The following GALNT8 variants were observed in gnomAD, a reference collection of about 807,000 sequenced individuals.
GALNT8 encodes polypeptide N-acetylgalactosaminyltransferase 8, also known as probable polypeptide N-acetylgalactosaminyltransferase 8.
A neutral mutation model predicts 62.7 loss-of-function variants in GALNT8; 66 were observed. The observed-to-expected ratio is 1.05, with a 90% CI of 0.86 to 1.29. GALNT8 has a LOEUF of 1.29. Among genes scored for constraint, GALNT8 ranks in the 50% most tolerant of loss-of-function variants. GALNT8 has a pLI of 0.00. For synonymous variants in GALNT8, 288 were observed against 294.3 expected (o/e 0.98, Z 0.22); for missense variants, 771 against 791.8 (o/e 0.97, Z 0.32).
At chr12:4,732,351 G>A (rs1203662658) in intron 2 of GALNT8, among the ~76,000 whole-genome samples, 2 of 152,180 alleles carry the variant, frequency 1.3e-5, no homozygotes, top group Non-Finnish European at 2.9e-5. Flanking sequence ...CGGGAGGAGT[G>A]GCTAGAGATC....
At chr12:4,766,449 G>T (rs766506) in intron 10 of GALNT8, among the ~76,000 whole-genome samples, 30,437 of 152,110 alleles carry the variant, frequency 0.2, 3,167 homozygotes, top group Non-Finnish European at 0.23. Context: ...TGTTCAATAC[G>T]CATTAGCCAT....
At chr12:4,725,867 A>G (rs998649581) in intron 1 of GALNT8, among the ~76,000 whole-genome samples, 2 of 152,096 alleles carry the variant, frequency 1.3e-5, no homozygotes, top group East Asian at 1.9e-4. Context: ...TTTTGAAGAC[A>G]TTCTTACGAT....
chr12:4,738,133 A>G (rs572821765), intron 2 of GALNT8, among the ~76,000 whole-genome samples: 21 of 152,322 alleles, frequency 1.4e-4, no homozygotes, highest in African/African-American at 4.8e-4. Context: ...TTTATGATCA[A>G]CTGATTCTTG....
intron 6 of GALNT8, among the ~76,000 whole-genome samples, chr12:4,760,028 G>A (rs1946364382): frequency 6.6e-6 from 1 of 152,200 alleles, no homozygotes; most frequent in African/African-American, 2.4e-5. Context: ...GTTATCTATT[G>A]CTGTATAACG....
At chr12:4,770,746 C>G (rs1220555737) in intron 10 of GALNT8, among the ~76,000 whole-genome samples, 3 of 152,144 alleles carry the variant, frequency 2.0e-5, no homozygotes. Flanking sequence ...ATCTTAACCA[C>G]TGTGTGCTAT....
At chr12:4,760,837 G>A in intron 6 of GALNT8, 121 bp from the exon 7 acceptor site, 2 of 734,118 alleles carry the variant, frequency 2.7e-6, no homozygotes, top group South Asian at 3.5e-5. Context: ...ATAAAGGCAG[G>A]AGTGGGAGGA....
intron 3 of GALNT8, 68 bp from the exon 4 acceptor site, chr12:4,744,449 G>A: frequency 1.8e-6 from 2 of 1,086,574 alleles, no homozygotes; most frequent in Non-Finnish European, 1.3e-6. Context: ...ATATATGATA[G>A]TATAAAACTT....
At chr12:4,753,333 C>G (rs1013949896) in intron 6 of GALNT8, among the ~76,000 whole-genome samples, 2 of 152,126 alleles carry the variant, frequency 1.3e-5, no homozygotes, top group African/African-American at 2.4e-5. Flanking sequence ...TTTCTAGATG[C>G]TGTAGGCGTG....
At chr12:4,755,292 C>T (rs1239495075) in intron 6 of GALNT8, among the ~76,000 whole-genome samples, 1 of 152,202 alleles carries the variant, frequency 6.6e-6, no homozygotes, top group Non-Finnish European at 1.5e-5. Context: ...AGTGATTTCC[C>T]TCTGGCTGGG....
rs760771939 is a variant in GALNT8 at position 4,752,197 on chromosome 12, A to T, written c.1173+5939A>T. Among the ~76,000 whole-genome samples, 100 of 151,750 alleles carry T rather than the reference A, an allele frequency of 6.6e-4. 1 individual carries two copies. The highest frequency in any genetic ancestry group is 1.3e-4 in the Non-Finnish European group (9 of 67,900). On this transcript the variant is annotated intron_variant, in intron 6 of 10. Coordinates refer to ENST00000252318, the MANE Select transcript of GALNT8 (RefSeq NM_017417.2). ...ACAGATCAGTGGGTCTTGTTTTTTC[A>T]TTCATTTGGCCACTCTATGTCTTGA...
In GALNT8 at chr12:4,772,539, C is replaced by T. The variant is rs150884069; in HGVS notation, c.1856C>T (p.Thr619Met). 22 of 1,613,730 alleles carry T rather than the reference C, an allele frequency of 1.4e-5. No individual in the cohort carries two copies. The highest frequency in any genetic ancestry group is 9.3e-5 in the African/African-American group (7 of 75,032). ...SHVLVLQTCS[T>M]QVWEIQHTVR... ...GTGCTTGTGCTCCAGACCTGTAGCA[C>T]GCAAGTGTGGGAAATCCAGCACACT... The change falls in exon 11 of 11, where the codon ACG (threonine) becomes ATG (methionine). Residue 619 changes from threonine (T) to methionine (M), a missense_variant. Physicochemically the swap from Thr to Met is moderately conservative, Grantham distance 81. Transcript: ENST00000252318.
At chr12:4,755,712 G>A (rs1257770521) in intron 6 of GALNT8, among the ~76,000 whole-genome samples, 2 of 152,152 alleles carry the variant, frequency 1.3e-5, no homozygotes, top group Non-Finnish European at 2.9e-5. Flanking sequence ...TGCTCTATAA[G>A]GGAATTCAGG....
At chr12:4,752,800 T>C (rs545260418) in intron 6 of GALNT8, among the ~76,000 whole-genome samples, 2 of 152,322 alleles carry the variant, frequency 1.3e-5, no homozygotes, top group African/African-American at 4.8e-5. Context: ...TTAGGGCTCA[T>C]TAACATCCTT....
chr12:4,757,746 T>A (rs1308683787), intron 6 of GALNT8, among the ~76,000 whole-genome samples: 1 of 132,720 alleles, frequency 7.5e-6, no homozygotes, highest in Non-Finnish European at 1.7e-5. Flanking sequence ...AGATGTTTCT[T>A]CTATCACTGT....
intron 2 of GALNT8, among the ~76,000 whole-genome samples, chr12:4,730,344 G>C (rs1591564707): frequency 1.3e-5 from 2 of 152,154 alleles, no homozygotes; most frequent in Middle Eastern, 6.8e-3. Context: ...TTACAGTTCT[G>C]GGTTTTATAT....
At chr12:4,744,801 C>A in intron 4 of GALNT8, 101 bp downstream of exon 4, 2 of 739,764 alleles carry the variant, frequency 2.7e-6, no homozygotes, top group Non-Finnish European at 4.2e-6. Flanking sequence ...GGAAAGTCAG[C>A]ACCAGGCCTT....
chr12:4,730,708 T>A (rs1946217808), intron 2 of GALNT8, among the ~76,000 whole-genome samples: 1 of 152,166 alleles, frequency 6.6e-6, no homozygotes, highest in Non-Finnish European at 1.5e-5. Context: ...AATTTATGGT[T>A]CCATTTAGAA....
chr12:4,730,114 C>T (rs994493985), intron 2 of GALNT8, among the ~76,000 whole-genome samples: 8 of 151,948 alleles, frequency 5.3e-5, no homozygotes, highest in African/African-American at 1.9e-4. Context: ...TGGATATTAA[C>T]TTCTTATTAA....
chr12:4,742,470 C>T (rs549644050), intron 3 of GALNT8, among the ~76,000 whole-genome samples: 9 of 152,290 alleles, frequency 5.9e-5, no homozygotes, highest in African/African-American at 1.9e-4. Context: ...AGCCACTGGG[C>T]AGGGAGGAGG....
Sources: allele counts gnomAD v4.1 joint callset (sites outside exome capture counted in the v4.1 genomes callset), GRCh38; gene constraint gnomAD v4.1.1; transcripts MANE v1.5; gene names NCBI Gene and HGNC (gene_info 2026-07-23, HGNC 2026-07-21).